The following SRPK2 variants were observed in gnomAD, a reference collection of about 807,000 sequenced individuals.
SRPK2 encodes SFRS protein kinase 2.
SRPK2 carries 21 observed loss-of-function variants against 90.8 expected under a neutral mutation model. The observed-to-expected ratio is 0.23, with a 90% CI of 0.16 to 0.33. The LOEUF (loss-of-function observed/expected upper bound fraction) is 0.33. Among genes scored for constraint, SRPK2 ranks in the 10% least tolerant of loss-of-function variants. SRPK2 has a pLI of 1.00. For synonymous variants in SRPK2, 288 were observed against 311.1 expected (o/e 0.93, Z 0.78); for missense variants, 620 against 869.0 (o/e 0.71, Z 3.60).
intron 13 of SRPK2, among the ~76,000 whole-genome samples, chr7:105,129,766 C>T (rs957100457): frequency 6.6e-6 from 1 of 152,168 alleles, no homozygotes; most frequent in Non-Finnish European, 1.5e-5. Context: ...TTCCCTGGAC[C>T]TACTTGTTTC....
At chr7:105,115,251 A>T (rs1444923486), downstream of SRPK2, 1 of 152,210 alleles carries the variant, frequency 6.6e-6, no homozygotes, top group Non-Finnish European at 1.5e-5. Flanking sequence ...GAAACTGAAG[A>T]AGTTCTCTAC....
intron 15 of SRPK2, among the ~76,000 whole-genome samples, chr7:105,118,733 C>T (rs1799912996): frequency 1.3e-5 from 2 of 151,860 alleles, no homozygotes. Flanking sequence ...GCCTGGGTAA[C>T]ATAGACCAGA....
In SRPK2 at chr7:105,166,266, G is replaced by A. The variant is rs533841559; in HGVS notation, c.514+1111C>T. On this transcript the variant is annotated intron_variant, in intron 6 of 15. Transcript: ENST00000393651. The stretch of plus-strand genomic sequence containing the variant: ...ACTAAAGTAAGTGAATACAGACTTA[G>A]GAGTAAACAATATTGTTAAAAATGA... Among the ~76,000 whole-genome samples the A allele has an allele frequency of 2.6e-5, 4 of 152,240 alleles. No homozygotes were observed. In the South Asian group the frequency reaches 6.2e-4, roughly 24 times the overall value.
intron 2 of SRPK2, among the ~76,000 whole-genome samples, chr7:105,271,059 A>T (rs1313183274): frequency 6.6e-6 from 1 of 152,142 alleles, no homozygotes; most frequent in African/African-American, 2.4e-5. Context: ...ACTTAACTTT[A>T]ATCTGTATCT....
At chr7:105,195,174 C>T (rs926896623) in intron 3 of SRPK2, among the ~76,000 whole-genome samples, 14 of 152,200 alleles carry the variant, frequency 9.2e-5, no homozygotes, top group African/African-American at 2.7e-4. Context: ...CTCCGCCTCC[C>T]GAGGAGCTGG....
Position 105,116,768 on chromosome 7 carries a change from T to C in SRPK2, c.*1070A>G, listed in dbSNP as rs962335083. 9 of 152,482 alleles carry C rather than the reference T, an allele frequency of 5.9e-5. No homozygotes were observed. The highest frequency in any genetic ancestry group is 1.9e-4 in the African/African-American group (8 of 41,472). 9.4% of individuals were successfully genotyped at this position (152,482 alleles called of 1,614,324 possible). A position where few individuals can be genotyped will look rare whatever the true frequency, so the allele number is the denominator to read the frequency against. Reference sequence around the variant, plus strand: ...CAATGAAAAAGCTAGTAAAATTTGTTGTAGCCACACGTAAAGCTACCTATG... The same window carrying C: ...CAATGAAAAAGCTAGTAAAATTTGTCGTAGCCACACGTAAAGCTACCTATG... On this transcript the variant is annotated 3_prime_UTR_variant, in exon 16 of 16. Transcript: ENST00000393651.
chr7:105,198,319 A>C (rs1173533090), intron 3 of SRPK2, among the ~76,000 whole-genome samples: 3 of 150,298 alleles, frequency 2.0e-5, no homozygotes, highest in African/African-American at 7.3e-5. Flanking sequence ...TTCCCACAAA[A>C]GGAGGTTTGG....
At chr7:105,278,939 G>A (rs1487803476) in intron 2 of SRPK2, among the ~76,000 whole-genome samples, 1 of 152,062 alleles carries the variant, frequency 6.6e-6, no homozygotes, top group Non-Finnish European at 1.5e-5. Context: ...TCAACACTTG[G>A]TATAATCTTT....
chr7:105,139,617 A>C (rs901215363), intron 11 of SRPK2, among the ~76,000 whole-genome samples: 10 of 152,208 alleles, frequency 6.6e-5, no homozygotes, highest in African/African-American at 2.4e-4. Flanking sequence ...CTGGGCCTCC[A>C]ATGATGACCA....
At chr7:105,361,940 C>G (rs890179299) in intron 2 of SRPK2, among the ~76,000 whole-genome samples, 1 of 131,944 alleles carries the variant, frequency 7.6e-6, no homozygotes, top group Non-Finnish European at 1.6e-5. Context: ...ACTAAAACAC[C>G]GAAAGCGCCT....
At chr7:105,357,981 T>A (rs1161222563) in intron 2 of SRPK2, among the ~76,000 whole-genome samples, 1 of 151,898 alleles carries the variant, frequency 6.6e-6, no homozygotes, top group East Asian at 1.9e-4. Flanking sequence ...TCCCAGCACT[T>A]TGGGAGGCTG....
chr7:105,204,600 AT>A (rs1426271857), intron 2 of SRPK2: 19 of 565,836 alleles, frequency 3.4e-5, no homozygotes, highest in Non-Finnish European at 5.7e-5. Flanking sequence ...TGCGCTGAAG[AT>A]GACGGCTGCT....
At chr7:105,399,353 A>C (rs1206277758), upstream of SRPK2, 2 of 152,188 alleles carry the variant, frequency 1.3e-5, no homozygotes, top group Non-Finnish European at 2.9e-5. Context: ...GGCTTCCCCC[A>C]GAGTGAATGA....
At chr7:105,195,454 T>C (rs971263247) in intron 3 of SRPK2, among the ~76,000 whole-genome samples, 15 of 152,238 alleles carry the variant, frequency 9.9e-5, no homozygotes, top group Non-Finnish European at 2.1e-4. Flanking sequence ...TATTTTGAAG[T>C]GATGCTTTAA....
chr7:105,227,503 A>G (rs1270060047), intron 2 of SRPK2, among the ~76,000 whole-genome samples: 1 of 152,250 alleles, frequency 6.6e-6, no homozygotes. Flanking sequence ...TAGCCATCAG[A>G]GAAATGCAAA....
At position 105,261,291 on chromosome 7, in the gene SRPK2, G is replaced by A. The variant is rs138959069; in HGVS notation, c.72-57506C>T. ...AATCCCGGCACTTTGGGAGGCCGAGGCGGGTGGATCACAAGGTCAGGAGAT... is the reference window on the plus strand; with the variant it reads ...AATCCCGGCACTTTGGGAGGCCGAGACGGGTGGATCACAAGGTCAGGAGAT... On this transcript the variant is annotated intron_variant, in intron 2 of 15. Transcript: ENST00000393651. Among the ~76,000 whole-genome samples the A allele has an allele frequency of 5.1e-3, 778 of 152,278 alleles. 12 individuals are homozygous for A. In the East Asian group the frequency reaches 0.055, roughly 11 times the overall value.
At chr7:105,223,770 G>A (rs1211352736) in intron 2 of SRPK2, among the ~76,000 whole-genome samples, 1 of 152,154 alleles carries the variant, frequency 6.6e-6, no homozygotes, top group Non-Finnish European at 1.5e-5. Flanking sequence ...AGAAAGCAAT[G>A]AAATCAATAC....
intron 2 of SRPK2, among the ~76,000 whole-genome samples, chr7:105,329,341 AT>A (rs1305417842): frequency 6.6e-6 from 1 of 152,192 alleles, no homozygotes; most frequent in East Asian, 1.9e-4. Flanking sequence ...AAGAGTGGGT[AT>A]TAAAAGAAGA....
chr7:105,127,715 T>C (rs1424868979), intron 13 of SRPK2, among the ~76,000 whole-genome samples: 3 of 74,208 alleles, frequency 4.0e-5, no homozygotes, highest in Non-Finnish European at 9.2e-5. Context: ...CATGCCAGCA[T>C]GTAGGGAACA....
Sources: allele counts gnomAD v4.1 joint callset (sites outside exome capture counted in the v4.1 genomes callset), GRCh38; gene constraint gnomAD v4.1.1; transcripts MANE v1.5; gene names NCBI Gene and HGNC (gene_info 2026-07-23, HGNC 2026-07-21).